The following EGFLAM variants were observed in gnomAD, a reference collection of about 807,000 sequenced individuals.
EGFLAM encodes EGF like, fibronectin type III and laminin G domains, also known as pikachurin.
In EGFLAM, 79 loss-of-function variants were observed where a neutral mutation model predicts 113.1. The observed-to-expected ratio is 0.70, with a 90% CI of 0.58 to 0.84. The LOEUF (loss-of-function observed/expected upper bound fraction) is 0.84. EGFLAM is among the 40% of genes least tolerant of loss of function. The pLI is 0.00. For missense variants in EGFLAM, 1,265 were observed against 1,291.6 expected, an observed-to-expected ratio of 0.98 and a Z score of 0.32; for synonymous variants, 504 against 487.6, an observed-to-expected ratio of 1.03 and a Z score of -0.44.
intron 1 of EGFLAM, among the ~76,000 whole-genome samples, chr5:38,320,880 C>T (rs1029113201): frequency 6.6e-6 from 1 of 151,998 alleles, no homozygotes; most frequent in Admixed American, 6.6e-5. Flanking sequence ...TGGAGCATGA[C>T]CACATAGGAA....
chr5:38,258,584 G>T lies in EGFLAM; in HGVS notation c.-171G>T, dbSNP rs919413073. On this transcript the variant is annotated 5_prime_UTR_variant, in exon 1 of 22. Coordinates refer to ENST00000322350, the MANE Select transcript of EGFLAM (RefSeq NM_152403.4). ...ACTCGCGCACGCCGACCTCCCGGCT[G>T]CAGTCCTACCTCTTGGAACTACCCG... is the stretch of plus-strand genomic sequence containing the variant. The T allele has an allele frequency of 1.6e-5, 11 of 683,258 alleles. No individual in the cohort carries two copies. In the South Asian group the frequency reaches 2.1e-4, roughly 13 times the overall value. The allele number at this position is 683,258 out of a possible 1,614,324, so 42.3% of individuals were successfully genotyped here.
At chr5:38,444,379 T>C (rs1261432163) in intron 17 of EGFLAM, among the ~76,000 whole-genome samples, 1 of 152,018 alleles carries the variant, frequency 6.6e-6, no homozygotes. Flanking sequence ...ATAGGAGAAA[T>C]AAATTCTGGT....
chr5:38,441,311 C>T (rs1742524856), intron 17 of EGFLAM, among the ~76,000 whole-genome samples: 1 of 152,170 alleles, frequency 6.6e-6, no homozygotes, highest in Non-Finnish European at 1.5e-5. Context: ...TGGGGGTCCC[C>T]TTGCCTTCCA....
chr5:38,414,919 G>C (rs964835236), intron 11 of EGFLAM, among the ~76,000 whole-genome samples: 1 of 152,136 alleles, frequency 6.6e-6, no homozygotes, highest in Admixed American at 6.5e-5. Context: ...TCTCAGGAGA[G>C]GGGGGCATCC....
intron 6 of EGFLAM, among the ~76,000 whole-genome samples, chr5:38,391,899 C>T (rs929993899): frequency 2.0e-5 from 3 of 152,100 alleles, no homozygotes; most frequent in Admixed American, 6.6e-5. Flanking sequence ...CCCTCAGCCT[C>T]CCGAGTAGCT....
rs1253223361 is a variant in EGFLAM at position 38,409,014 on chromosome 5, AG to A, written c.1261del (p.Asp421MetfsTer41). ...TTTGTATAATCACAGGCGGAGGCAG[AG>A]GATGGCTTACTGCTCTACTGTGGGG... ...QITLEFRAEA[E>X]DGLLLYCGEN... On this transcript the variant is annotated frameshift_variant, in exon 10 of 22. Coordinates refer to ENST00000322350, the MANE Select transcript of EGFLAM (RefSeq NM_152403.4). LOFTEE classifies it high-confidence loss of function. The A allele has an allele frequency of 6.3e-7, 1 of 1,590,618 alleles. No individual in the cohort carries two copies. The highest frequency in any genetic ancestry group is 1.1e-5 in the South Asian group (1 of 87,404).
chr5:38,284,627 T>C (rs1191458549), intron 1 of EGFLAM, among the ~76,000 whole-genome samples: 1 of 152,206 alleles, frequency 6.6e-6, no homozygotes, highest in Non-Finnish European at 1.5e-5. Context: ...TCCTCATTCA[T>C]CACTGACATT....
At chr5:38,269,052 A>G (rs182650939) in intron 1 of EGFLAM, among the ~76,000 whole-genome samples, 4 of 152,198 alleles carry the variant, frequency 2.6e-5, no homozygotes, top group Non-Finnish European at 5.9e-5. Flanking sequence ...TGATGTGCAC[A>G]CTTACAGTCC....
chr5:38,422,090 G>A (rs1741843856), intron 12 of EGFLAM, among the ~76,000 whole-genome samples: 1 of 152,004 alleles, frequency 6.6e-6, no homozygotes, highest in Admixed American at 6.6e-5. Flanking sequence ...TAGGGGTTGG[G>A]GACAGGGAAG....
intron 20 of EGFLAM, chr5:38,462,562 T>G (rs1277709288): frequency 4.6e-6 from 1 of 219,182 alleles, no homozygotes; most frequent in Non-Finnish European, 9.3e-6. Context: ...GGACAGAATC[T>G]CCTCTGAGCA....
intron 1 of EGFLAM, among the ~76,000 whole-genome samples, chr5:38,293,223 G>T (rs537284983): frequency 6.6e-6 from 1 of 152,172 alleles, no homozygotes; most frequent in African/African-American, 2.4e-5. Flanking sequence ...AAGAACATAG[G>T]ATTTGAATCA....
intron 1 of EGFLAM, among the ~76,000 whole-genome samples, chr5:38,311,923 T>C (rs1738454833): frequency 6.6e-6 from 1 of 152,168 alleles, no homozygotes; most frequent in South Asian, 2.1e-4. Context: ...ATGGGACTTA[T>C]ATATATATTG....
In EGFLAM at chr5:38,258,621, C is replaced by G. The variant is rs1478988599; in HGVS notation, c.-134C>G. The G allele has an allele frequency of 9.9e-7, 1 of 1,010,942 alleles. No homozygotes were observed. Among genetic ancestry groups the G allele is most frequent in the African/African-American group, 1.6e-5 (1 of 62,174 alleles). 62.6% of individuals were successfully genotyped at this position (1,010,942 alleles called of 1,614,324 possible). ...CTTGGAACTACCCGTGTTTCCGGGCCCAGCCCTCGCAGCCCCCCACCTCCT... is the reference window on the plus strand; with the variant it reads ...CTTGGAACTACCCGTGTTTCCGGGCGCAGCCCTCGCAGCCCCCCACCTCCT... On this transcript the variant is annotated 5_prime_UTR_variant, in exon 1 of 22. Coordinates refer to ENST00000322350, the MANE Select transcript of EGFLAM (RefSeq NM_152403.4).
chr5:38,269,354 A>C (rs978885769), intron 1 of EGFLAM, among the ~76,000 whole-genome samples: 1 of 152,184 alleles, frequency 6.6e-6, no homozygotes, highest in East Asian at 1.9e-4. Context: ...ATGGTAGAAT[A>C]TTCAGTAAGG....
At chr5:38,334,349 GACCAAGGC>G (rs1436356293) in intron 1 of EGFLAM, among the ~76,000 whole-genome samples, 1 of 152,200 alleles carries the variant, frequency 6.6e-6, no homozygotes, top group Non-Finnish European at 1.5e-5. Flanking sequence ...ACAAGTCTAA[GACCAAGGC>G]ACCAACAGAT....
chr5:38,369,419 G>T (rs2112032213), intron 5 of EGFLAM, among the ~76,000 whole-genome samples: 1 of 152,270 alleles, frequency 6.6e-6, no homozygotes, highest in East Asian at 1.9e-4. Context: ...TACCATATTG[G>T]ATCATGCAGG....
intron 1 of EGFLAM, among the ~76,000 whole-genome samples, chr5:38,288,549 T>A (rs1579729888): frequency 6.6e-6 from 1 of 152,182 alleles, no homozygotes; most frequent in Non-Finnish European, 1.5e-5. Context: ...ATAGTTCACA[T>A]TTAAGATTTG....
chr5:38,327,302 G>A (rs1199185787), intron 1 of EGFLAM, among the ~76,000 whole-genome samples: 1 of 152,172 alleles, frequency 6.6e-6, no homozygotes, highest in South Asian at 2.1e-4. Flanking sequence ...TAACCAAGGA[G>A]TGTGGTTATA....
At position 38,445,678 on chromosome 5, in the gene EGFLAM, G is replaced by T. The variant is rs748357709; in HGVS notation, c.2465-2623G>T. ...TTCTCTTTCATGCTGGCACCGGGCA[G>T]AGTGTGGGAACTACTGCCTCAATAG... On this transcript the variant is annotated intron_variant, in intron 17 of 21. Transcript: ENST00000322350. 10 of 1,598,394 alleles carry T rather than the reference G, an allele frequency of 6.3e-6. No individual in the cohort carries two copies. In the East Asian group the frequency reaches 2.2e-4, roughly 36 times the overall value.
Sources: allele counts gnomAD v4.1 joint callset (sites outside exome capture counted in the v4.1 genomes callset), GRCh38; gene constraint gnomAD v4.1.1; transcripts MANE v1.5; gene names NCBI Gene and HGNC (gene_info 2026-07-23, HGNC 2026-07-21).